Variants in HGF observed in about 807,000 individuals in gnomAD.
HGF encodes the protein hepatocyte growth factor, also known as fibroblast-derived tumor cytotoxic factor.
Under a neutral mutation model 111.6 loss-of-function variants are expected in HGF, and 39 were observed. That is an observed-to-expected ratio of 0.35 (90% CI 0.27 to 0.46). The LOEUF is 0.46. Among genes scored for constraint, HGF ranks in the 20% least tolerant of loss-of-function variants. The pLI is 1.00. For synonymous variants in HGF, 285 were observed against 294.8 expected, an observed-to-expected ratio of 0.97 and a Z score of 0.34; for missense variants, 735 against 910.5, an observed-to-expected ratio of 0.81 and a Z score of 2.48.
intron 1 of HGF, among the ~76,000 whole-genome samples, chr7:81,768,958 A>C (rs914008797): frequency 6.6e-6 from 1 of 152,182 alleles, no homozygotes; most frequent in Non-Finnish European, 1.5e-5. Context: ...CCATCTCAAA[A>C]GATACAGCCA....
intron 11 of HGF, among the ~76,000 whole-genome samples, chr7:81,713,250 T>A (rs1789619054): frequency 6.6e-6 from 1 of 152,092 alleles, no homozygotes; most frequent in African/African-American, 2.4e-5. Context: ...TGGCCTTGCG[T>A]GGTGGCTCGT....
intron 11 of HGF, among the ~76,000 whole-genome samples, chr7:81,714,915 A>G (rs572805305): frequency 9.7e-4 from 147 of 152,240 alleles, no homozygotes; most frequent in Non-Finnish European, 1.9e-3. Context: ...ATTAAAATTA[A>G]TTTGTGGTAT....
intron 15 of HGF, among the ~76,000 whole-genome samples, 174 bp from the exon 16 acceptor site, chr7:81,705,927 G>A (rs1443359763): frequency 6.7e-6 from 1 of 149,670 alleles, no homozygotes; most frequent in Admixed American, 6.7e-5. Context: ...TTTGGAATAG[G>A]TAGTAAAGAA....
At chr7:81,740,231 A>G (rs1460810428) in intron 7 of HGF, among the ~76,000 whole-genome samples, 1 of 152,240 alleles carries the variant, frequency 6.6e-6, no homozygotes, top group Non-Finnish European at 1.5e-5. Flanking sequence ...TGACATAATC[A>G]TTATCTTTAT....
chr7:81,713,031 C>G (rs1488855484), intron 11 of HGF, among the ~76,000 whole-genome samples: 1 of 152,000 alleles, frequency 6.6e-6, no homozygotes, highest in Non-Finnish European at 1.5e-5. Flanking sequence ...AACAAAACTT[C>G]AAGGATATTG....
At chr7:81,749,028 G>A (rs1273475603) in intron 5 of HGF, among the ~76,000 whole-genome samples, 1 of 152,052 alleles carries the variant, frequency 6.6e-6, no homozygotes, top group African/African-American at 2.4e-5. Context: ...ATCCATACAG[G>A]TGATTACTTC....
chr7:81,707,191 A>G, intron 14 of HGF, 99 bp downstream of exon 14: 1 of 729,568 alleles, frequency 1.4e-6, no homozygotes. Context: ...CCATTTGTGA[A>G]TCTCTGTAAA....
intron 7 of HGF, among the ~76,000 whole-genome samples, chr7:81,735,622 G>A (rs1327177215): frequency 6.6e-6 from 1 of 152,052 alleles, no homozygotes; most frequent in Non-Finnish European, 1.5e-5. Context: ...TTCTTTTAAA[G>A]TTATGTCCAT....
At chr7:81,703,310 C>T (rs1789336752) in intron 17 of HGF, among the ~76,000 whole-genome samples, 1 of 150,228 alleles carries the variant, frequency 6.7e-6, no homozygotes, top group Non-Finnish European at 1.5e-5. Context: ...TTGTTGTCAA[C>T]AAAATAATTC....
At chr7:81,741,961 A>G (rs111290260) in intron 7 of HGF, among the ~76,000 whole-genome samples, 1 of 149,648 alleles carries the variant, frequency 6.7e-6, no homozygotes, top group African/African-American at 2.5e-5. Context: ...AAAAAAAAAA[A>G]GAGTACCTAA....
At position 81,743,626 on chromosome 7, in the gene HGF, G is replaced by A. The variant is rs879177720; in HGVS notation, c.747-155C>T. ...TGCCTTACGAGGACTGCTGATCACT[G>A]ACTATTGAATCTACTAATTTATATA... is the stretch of plus-strand genomic sequence containing the variant. On this transcript the variant is annotated intron_variant, in intron 6 of 17. Transcript: ENST00000222390. 2.6e-5 allele frequency among the ~76,000 whole-genome samples: 4 copies of A among 152,086 alleles called. No individual in the cohort carries two copies. In the South Asian group the frequency reaches 8.3e-4, roughly 32 times the overall value.
At chr7:81,712,206 A>C (rs1448520883) in intron 11 of HGF, among the ~76,000 whole-genome samples, 2 of 152,110 alleles carry the variant, frequency 1.3e-5, no homozygotes, top group African/African-American at 2.4e-5. Flanking sequence ...ATTCCATTGA[A>C]TAGCACTCGT....
chr7:81,709,212 A>G (rs1201870829), intron 13 of HGF, among the ~76,000 whole-genome samples: 1 of 152,120 alleles, frequency 6.6e-6, no homozygotes, highest in Admixed American at 6.6e-5. Flanking sequence ...AAGGAGAAGG[A>G]ATTTTCAGGC....
chr7:81,704,024 C>A (rs1287319864), intron 17 of HGF, among the ~76,000 whole-genome samples: 4 of 151,756 alleles, frequency 2.6e-5, no homozygotes, highest in Non-Finnish European at 5.9e-5. Flanking sequence ...TGCTATTATA[C>A]AAACATTTGG....
chr7:81,758,257 A>G (rs937729921), intron 3 of HGF, among the ~76,000 whole-genome samples: 1 of 151,976 alleles, frequency 6.6e-6, no homozygotes, highest in African/African-American at 2.4e-5. Context: ...CAAAATCTCC[A>G]TATTTTGTTA....
chr7:81,751,654 C>A (rs1406721556), intron 5 of HGF: 22 of 1,000,742 alleles, frequency 2.2e-5, no homozygotes, highest in Non-Finnish European at 2.4e-5. Flanking sequence ...GTGATCCCTT[C>A]TTATATTGTA....
Position 81,752,253 on chromosome 7 carries a change from A to G in HGF, c.492T>C (p.Pro164=). 1.2e-6 allele frequency: 2 copies of G among 1,613,422 alleles called. No homozygotes were observed. The highest frequency in any genetic ancestry group is 1.7e-6 in the Non-Finnish European group (2 of 1,179,416). The change falls in exon 5 of 18, where the codon CCT becomes CCC. Residue 164 remains proline (P), a synonymous_variant. Transcript: ENST00000222390. ...GTAGGTCTTTACCCCGATAGCTCGA[A>G]GGCAAAAAGCTAGTTTTAAAATGAT... is the stretch of plus-strand genomic sequence containing the variant. ...SMIPHEHSFL[P]SSYRGKDLQE...
intron 1 of HGF, among the ~76,000 whole-genome samples, chr7:81,765,674 A>T (rs1484347953): frequency 1.3e-5 from 2 of 152,198 alleles, no homozygotes; most frequent in African/African-American, 2.4e-5. Flanking sequence ...CACATCTATA[A>T]AATTAATTCC....
intron 2 of HGF, among the ~76,000 whole-genome samples, chr7:81,759,269 A>G (rs911106396): frequency 9.2e-5 from 14 of 152,194 alleles, no homozygotes; most frequent in Admixed American, 5.2e-4. Context: ...TACAAAGTGT[A>G]TAACTGTAAA....
Sources: gnomAD v4.1 joint callset for allele counts (sites outside exome capture counted in the v4.1 genomes callset) on GRCh38, gnomAD v4.1.1 for gene constraint, MANE v1.5 for transcripts, NCBI Gene and HGNC (gene_info 2026-07-23, HGNC 2026-07-21) for gene names.